Variants in SMURF1 observed in about 807,000 individuals in gnomAD.
SMURF1 encodes E3 ubiquitin-protein ligase SMURF1.
SMURF1 carries 44 observed loss-of-function variants against 98.0 expected under a neutral mutation model. The observed-to-expected ratio is 0.45, with a 90% confidence interval of 0.35 to 0.58. The LOEUF (loss-of-function observed/expected upper bound fraction) is 0.58, where lower values mean the gene tolerates loss of function less well. Among genes scored for constraint, SMURF1 ranks in the 20% least tolerant of loss-of-function variants. The probability of loss-of-function intolerance (pLI) is 0.00; values close to 1 mark genes in which losing one functional copy is unlikely to be tolerated. For synonymous variants in SMURF1, 396 were observed against 374.9 expected (o/e 1.06, Z -0.65); for missense variants, 687 against 938.4 (o/e 0.73, Z 3.50).
chr7:99,088,671 G>A (rs1238821909), intron 1 of SMURF1, among the ~76,000 whole-genome samples: 2 of 152,158 alleles, frequency 1.3e-5, no homozygotes, highest in African/African-American at 2.4e-5. Context: ...GAATAGTATC[G>A]TAGGAATGGT....
chr7:99,072,188 G>A (rs941885254), intron 1 of SMURF1, among the ~76,000 whole-genome samples: 8 of 152,138 alleles, frequency 5.3e-5, no homozygotes, highest in African/African-American at 1.7e-4. Flanking sequence ...TACCAAATGA[G>A]GCAGTATTAT....
intron 1 of SMURF1, among the ~76,000 whole-genome samples, chr7:99,122,066 C>T (rs1797641563): frequency 6.6e-6 from 1 of 152,166 alleles, no homozygotes; most frequent in Non-Finnish European, 1.5e-5. Context: ...AGGTGGCTCA[C>T]GCCTGTAATC....
At chr7:99,069,894 G>A (rs1312157730) in intron 1 of SMURF1, among the ~76,000 whole-genome samples, 6 of 152,158 alleles carry the variant, frequency 3.9e-5, no homozygotes, top group Non-Finnish European at 7.3e-5. Flanking sequence ...ACCATTAAAT[G>A]ATCAAATGAT....
intron 1 of SMURF1, among the ~76,000 whole-genome samples, chr7:99,115,153 T>A (rs1797408620): frequency 1.3e-5 from 2 of 150,734 alleles, no homozygotes; most frequent in African/African-American, 4.9e-5. Flanking sequence ...CACAGATAAG[T>A]GAAATAGAGA....
At chr7:99,071,814 C>G (rs551904534) in intron 1 of SMURF1, among the ~76,000 whole-genome samples, 1 of 152,258 alleles carries the variant, frequency 6.6e-6, no homozygotes, top group South Asian at 2.1e-4. Context: ...CGGCTCATGC[C>G]TGTAATCCCA....
chr7:99,115,501 G>A (rs1189193287), intron 1 of SMURF1, among the ~76,000 whole-genome samples: 7 of 152,104 alleles, frequency 4.6e-5, no homozygotes, highest in South Asian at 2.1e-4. Flanking sequence ...GCTGAGGTGC[G>A]GGGATCACTT....
intron 1 of SMURF1, among the ~76,000 whole-genome samples, chr7:99,090,596 T>C (rs2150577896): frequency 6.6e-6 from 1 of 152,314 alleles, no homozygotes; most frequent in African/African-American, 2.4e-5. Context: ...CCTTCTGTTC[T>C]GAAATATTAA....
In SMURF1 at chr7:99,123,507, C is replaced by T. The variant is rs547951453; in HGVS notation, c.55+20219G>A. Among the ~76,000 whole-genome samples, 50 of 152,202 alleles carry T rather than the reference C, an allele frequency of 3.3e-4. No homozygotes were observed. In the South Asian group the frequency reaches 9.8e-3, roughly 30 times the overall value. ...TATGATTGCACCGCTGCACTCTAGC[C>T]TGGGTGACAGAGAGAGACTCTGCCT... On this transcript the variant is annotated intron_variant, in intron 1 of 17. Transcript: ENST00000361368.
In SMURF1 at chr7:99,066,002, C is replaced by T. The variant is rs11765768; in HGVS notation, c.56-4165G>A. Among the ~76,000 whole-genome samples, 12 of 151,114 alleles carry T rather than the reference C, an allele frequency of 7.9e-5. No individual in the cohort carries two copies. The East Asian group carries it at 2.3e-3, about 30-fold the overall frequency. ...CGGAGGTTGCAGTGAACTGAGATCG[C>T]GCCACTGTACTCCAGCCTGATGACA... On this transcript the variant is annotated intron_variant, in intron 1 of 17. Transcript: ENST00000361368.
intron 3 of SMURF1, among the ~76,000 whole-genome samples, chr7:99,058,020 C>G (rs1333574743): frequency 1.3e-5 from 2 of 152,176 alleles, no homozygotes; most frequent in Admixed American, 6.5e-5. Context: ...CCATTAATTT[C>G]AACAAGCTGG....
chr7:99,039,977 C>A (rs1056328437), intron 13 of SMURF1, among the ~76,000 whole-genome samples: 8 of 152,200 alleles, frequency 5.3e-5, no homozygotes, highest in African/African-American at 1.9e-4. Context: ...CTCACACACA[C>A]CCCACAACGG....
chr7:99,033,659 G>A (rs973550087), intron 16 of SMURF1, among the ~76,000 whole-genome samples: 1 of 152,220 alleles, frequency 6.6e-6, no homozygotes, highest in Non-Finnish European at 1.5e-5. Context: ...GGACTGCTAA[G>A]GCCCCCCCTA....
At chr7:99,059,215 C>T (rs1396521864) in intron 3 of SMURF1, among the ~76,000 whole-genome samples, 7 of 150,026 alleles carry the variant, frequency 4.7e-5, no homozygotes, top group Non-Finnish European at 8.9e-5. Flanking sequence ...CCGGCTAAAA[C>T]GGTGAAACCC....
At chr7:99,060,378 C>CAAAAA (rs11340949) in intron 3 of SMURF1, among the ~76,000 whole-genome samples, 1 of 92,494 alleles carries the variant, frequency 1.1e-5, no homozygotes. Flanking sequence ...GACTCCGTCT[C>CAAAAA]AAAAAAAAAA....
At chr7:99,114,591 C>T (rs1249427894) in intron 1 of SMURF1, among the ~76,000 whole-genome samples, 1 of 152,042 alleles carries the variant, frequency 6.6e-6, no homozygotes, top group Non-Finnish European at 1.5e-5. Flanking sequence ...TCAATAACAA[C>T]AGAACAACTA....
intron 1 of SMURF1, among the ~76,000 whole-genome samples, chr7:99,112,834 CAAAT>C (rs1797352821): frequency 2.6e-5 from 4 of 151,898 alleles, no homozygotes; most frequent in Admixed American, 2.6e-4. Flanking sequence ...AAAAAGCAAT[CAAAT>C]AAAAATTCTG....
At chr7:99,031,797 C>T (rs531019852) in intron 17 of SMURF1, among the ~76,000 whole-genome samples, 6 of 152,268 alleles carry the variant, frequency 3.9e-5, no homozygotes, top group Admixed American at 2.0e-4. Flanking sequence ...CATCTGACCC[C>T]GCATCCTTGG....
At chr7:99,080,851 C>G (rs1269173222) in intron 1 of SMURF1, among the ~76,000 whole-genome samples, 1 of 152,158 alleles carries the variant, frequency 6.6e-6, no homozygotes, top group African/African-American at 2.4e-5. Flanking sequence ...CTGCACTTCC[C>G]AGCTCCCTGC....
intron 1 of SMURF1, among the ~76,000 whole-genome samples, chr7:99,074,123 A>T (rs1238063798): frequency 1.3e-5 from 2 of 152,258 alleles, no homozygotes; most frequent in Non-Finnish European, 2.9e-5. Context: ...TGCCACTTAT[A>T]TAAAGTACAA....
Sources: allele counts gnomAD v4.1 joint callset (sites outside exome capture counted in the v4.1 genomes callset), GRCh38; gene constraint gnomAD v4.1.1; transcripts MANE v1.5; gene names NCBI Gene and HGNC (gene_info 2026-07-23, HGNC 2026-07-21).